VWCE: variants seen among roughly 807,000 people sequenced by gnomAD.
The protein encoded by VWCE is von Willebrand factor C and EGF domains.
In VWCE, 68 loss-of-function variants were observed where a neutral mutation model predicts 102.9. That is an observed-to-expected ratio of 0.66 (90% CI 0.54 to 0.81). The LOEUF is 0.81. VWCE is among the 30% of genes least tolerant of loss of function. VWCE has a pLI of 0.00. For missense variants in VWCE, 1,137 were observed against 1,263.6 expected (o/e 0.90, Z 1.52); for synonymous variants, 497 against 515.4 (o/e 0.96, Z 0.48).
intron 9 of VWCE, among the ~76,000 whole-genome samples, chr11:61,280,363 A>G (rs1855080159): frequency 6.6e-6 from 1 of 152,164 alleles, no homozygotes; most frequent in Non-Finnish European, 1.5e-5. Flanking sequence ...ATTACAGCAT[A>G]AATGAGTGGT....
At position 61,264,902 on chromosome 11, in the gene VWCE, G is replaced by A. The variant is rs915733584; in HGVS notation, c.2139+54C>T. On this transcript the variant is annotated intron_variant, in intron 18 of 19. Coordinates refer to ENST00000335613, the MANE Select transcript of VWCE (RefSeq NM_152718.2). Reference sequence around the variant, plus strand: ...CTCCATGTTTTGCAAAGGGACAAAAGGCAAGAAGCTGCCCTCTGGCGGGGC... The same window carrying A: ...CTCCATGTTTTGCAAAGGGACAAAAAGCAAGAAGCTGCCCTCTGGCGGGGC... 22 of 1,592,872 alleles carry A rather than the reference G, an allele frequency of 1.4e-5. No individual in the cohort carries two copies. The South Asian group carries it at 2.2e-4, about 16-fold the overall frequency.
intron 10 of VWCE, among the ~76,000 whole-genome samples, chr11:61,277,389 G>A (rs549804688): frequency 5.3e-5 from 8 of 149,720 alleles, no homozygotes; most frequent in East Asian, 2.0e-4. Flanking sequence ...TGGGAGGATC[G>A]CTTGAGCCCA....
At chr11:61,264,862 A>G in intron 18 of VWCE, 94 bp downstream of exon 18, 1 of 1,377,774 alleles carries the variant, frequency 7.3e-7, no homozygotes, top group Non-Finnish European at 1.0e-6. Flanking sequence ...GGATGGATTT[A>G]TGCTGGCTAA....
chr11:61,285,528 C>G (rs1284311516), intron 5 of VWCE, among the ~76,000 whole-genome samples: 1 of 152,040 alleles, frequency 6.6e-6, no homozygotes, highest in African/African-American at 2.4e-5. Context: ...CAGGGTAGCT[C>G]CAGAGCCTGG....
At chr11:61,262,685 A>C (rs1854395237) in intron 19 of VWCE, among the ~76,000 whole-genome samples, 1 of 152,236 alleles carries the variant, frequency 6.6e-6, no homozygotes, top group South Asian at 2.1e-4. Context: ...CACAGATCTG[A>C]AGAGCTGCCC....
chr11:61,295,293 T>G lies in VWCE; in HGVS notation c.-256A>C. Reference sequence around the variant, plus strand: ...ACACACAAAGGCAACGCCGCCCGCCTGCTGATGCCTCTCCGAGAGGCGCGG... The same window carrying G: ...ACACACAAAGGCAACGCCGCCCGCCGGCTGATGCCTCTCCGAGAGGCGCGG... On this transcript the variant is annotated 5_prime_UTR_variant, in exon 1 of 20. Transcript: ENST00000335613. The surrounding 1 kb of genome is among the most constrained non-coding windows in gnomAD (Gnocchi z 4.6). 3.0e-6 allele frequency: 1 copy of G among 330,038 alleles called. No individual in the cohort carries two copies. Among genetic ancestry groups the G allele is most frequent in the Non-Finnish European group, 5.5e-6 (1 of 182,268 alleles). 20.4% of individuals were successfully genotyped at this position (330,038 alleles called of 1,614,324 possible).
At position 61,291,571 on chromosome 11, in the gene VWCE, C is replaced by T. The variant is rs538497073; in HGVS notation, c.116G>A (p.Arg39Gln). 11 of 1,439,200 alleles carry T rather than the reference C, an allele frequency of 7.6e-6. No homozygotes were observed. The highest frequency in any genetic ancestry group is 2.9e-5 in the African/African-American group (2 of 68,650). 89.2% of individuals were successfully genotyped at this position (1,439,200 alleles called of 1,614,324 possible). A position where few individuals can be genotyped will look rare whatever the true frequency, so the allele number is the denominator to read the frequency against. ...PPGHFAAERR[R>Q]LGPHVCLSGF... The stretch of plus-strand genomic sequence containing the variant: ...AGAGAGGCAGACGTGGGGGCCCAGT[C>T]GGCGTCTGCAAGAGAAGAGAGAGCA... The change falls in exon 2 of 20, where the codon CGA becomes CAA. Residue 39 changes from arginine (R) to glutamine (Q), a missense_variant. Arg to Gln is a conservative substitution (Grantham distance 43). This residue lies in a region of VWCE where 575 missense variants were observed against 625.9 expected (regional missense o/e 0.92). Coordinates refer to ENST00000335613, the MANE Select transcript of VWCE (RefSeq NM_152718.2).
chr11:61,274,739 C>G (rs1854851787), intron 11 of VWCE, among the ~76,000 whole-genome samples, 155 bp from the exon 12 acceptor site: 1 of 152,098 alleles, frequency 6.6e-6, no homozygotes, highest in South Asian at 2.1e-4. Flanking sequence ...GCACTTCTCC[C>G]CCTCCAAACC....
At chr11:61,265,407 C>G (rs1261439444) in intron 16 of VWCE, among the ~76,000 whole-genome samples, 195 bp from the exon 17 acceptor site, 1 of 152,046 alleles carries the variant, frequency 6.6e-6, no homozygotes, top group Non-Finnish European at 1.5e-5. Context: ...TCAAGCCCCT[C>G]GAAGGTAAGA....
rs376360174 is a variant in VWCE, at chr11:61,281,803, T to G, written c.770A>C (p.Asp257Ala). Reference protein sequence around the residue: ...TCRPGFRLRADRVSCEAFPKA... With the variant: ...TCRPGFRLRAARVSCEAFPKA... ...GCGCTCACCTTCACAGGACACGCGGTCAGCTCGGAGCCTGAAGCCAGGTCG... is the reference window on the plus strand; with the variant it reads ...GCGCTCACCTTCACAGGACACGCGGGCAGCTCGGAGCCTGAAGCCAGGTCG... The change falls in exon 7 of 20, where the codon GAC becomes GCC. Residue 257 changes from aspartate (D) to alanine (A), a missense_variant. Coordinates refer to ENST00000335613, the MANE Select transcript of VWCE (RefSeq NM_152718.2). 7.6e-5 allele frequency: 123 copies of G among 1,612,968 alleles called. No homozygotes were observed. The highest frequency in any genetic ancestry group is 9.7e-5 in the Non-Finnish European group (115 of 1,179,502).
chr11:61,280,917 G>C lies in VWCE; in HGVS notation c.1106C>G (p.Ser369Cys). Residue 369 changes from serine to cysteine, a missense_variant, in exon 8 of 20, where the codon TCC (serine) becomes TGC (cysteine). Ser to Cys is a moderately radical substitution (Grantham distance 112). Transcript: ENST00000335613. Reference protein sequence around the residue: ...LLQGEVMGTPSSPRGPESPRL... With the variant: ...LLQGEVMGTPCSPRGPESPRL... ...GGGGGACTCAGGGCCCCTGGGTGAG[G>C]AAGGGGTCCCCATCACCTCCCCCTG... 1 of 1,527,314 alleles carries C rather than the reference G, an allele frequency of 6.5e-7. No individual in the cohort carries two copies. 94.6% of individuals were successfully genotyped at this position (1,527,314 alleles called of 1,614,324 possible). A position where few individuals can be genotyped will look rare whatever the true frequency, so the allele number is the denominator to read the frequency against.
intron 12 of VWCE, 21 bp from the exon 13 acceptor site, chr11:61,273,337 A>C: frequency 6.3e-7 from 1 of 1,596,850 alleles, no homozygotes; most frequent in Non-Finnish European, 8.5e-7. Context: ...GCCCAGGCAC[A>C]GAATGATGAG....
At chr11:61,260,336 C>T (rs1739058093) in intron 19 of VWCE, among the ~76,000 whole-genome samples, 2 of 152,096 alleles carry the variant, frequency 1.3e-5, no homozygotes, top group Non-Finnish European at 2.9e-5. Context: ...TGCAGTGGTG[C>T]AAACATGGCT....
intron 1 of VWCE, among the ~76,000 whole-genome samples, chr11:61,292,380 G>A (rs1459566604): frequency 6.6e-6 from 1 of 152,136 alleles, no homozygotes; most frequent in African/African-American, 2.4e-5. Context: ...TTTACTTCCT[G>A]TGACATTAGA....
At chr11:61,273,051 A>AAAC (rs58840051) in intron 13 of VWCE, 148 bp downstream of exon 13, 51,493 of 764,752 alleles carry the variant, frequency 0.067, 11,029 homozygotes, top group African/African-American at 0.59. Flanking sequence ...ACACTACACA[A>AAAC]AAACTCACAC....
chr11:61,269,393 G>A (rs917260656), intron 14 of VWCE: 2 of 199,688 alleles, frequency 1.0e-5, no homozygotes, highest in African/African-American at 4.6e-5. Context: ...AAAAAACAAT[G>A]CCACCAGAAG....
At chr11:61,260,915 TGAA>T (rs1202746857) in intron 19 of VWCE, among the ~76,000 whole-genome samples, 2 of 151,130 alleles carry the variant, frequency 1.3e-5, no homozygotes, top group Non-Finnish European at 2.9e-5. Flanking sequence ...AAATGAAGAG[TGAA>T]GAAGCAAAAA....
Position 61,295,070 on chromosome 11 carries a change from C to G in VWCE, c.-33G>C. 4.6e-6 allele frequency: 6 copies of G among 1,296,520 alleles called. No homozygotes were observed. The highest frequency in any genetic ancestry group is 4.9e-6 in the Non-Finnish European group (5 of 1,015,300). The allele number at this position is 1,296,520 out of a possible 1,614,324, so 80.3% of individuals were successfully genotyped here. A position where few individuals can be genotyped will look rare whatever the true frequency, so the allele number is the denominator to read the frequency against. ...GGCGGCGGGTCCCCCGGGCTGGGCT[C>G]GGCTCCTGCGCCGCGCGCGGGAGAG... On this transcript the variant is annotated 5_prime_UTR_variant, in exon 1 of 20. Coordinates refer to ENST00000335613, the MANE Select transcript of VWCE (RefSeq NM_152718.2). This position sits in a 1 kb window ranked among gnomAD's most constrained non-coding sequence, Gnocchi z 4.6.
At chr11:61,264,929 G>C (rs373641413) in intron 18 of VWCE, 27 bp downstream of exon 18, 6 of 1,611,284 alleles carry the variant, frequency 3.7e-6, no homozygotes, top group Non-Finnish European at 5.1e-6. Flanking sequence ...TGGCGGGGCC[G>C]CTCCTGGGTT....
Sources: gnomAD v4.1 joint callset for allele counts (sites outside exome capture counted in the v4.1 genomes callset) on GRCh38, gnomAD v4.1.1 for gene constraint, gnomAD v4.1.1 regional missense constraint, Gnocchi (gnomAD v3.1) non-coding constraint, MANE v1.5 for transcripts, NCBI Gene and HGNC (gene_info 2026-07-23, HGNC 2026-07-21) for gene names.